CENPW: variants seen among roughly 807,000 people sequenced by gnomAD.
CENPW encodes the protein centromere protein W, also known as cancer-up-regulated gene 2 protein.
A neutral mutation model predicts 11.1 loss-of-function variants in CENPW; 3 were observed. That is an observed-to-expected ratio of 0.27 (90% CI 0.12 to 0.70). The LOEUF (loss-of-function observed/expected upper bound fraction) is 0.70. Ranked by LOEUF, CENPW falls within the 30% of genes least tolerant of loss-of-function variation. CENPW has a pLI of 0.77. For synonymous variants in CENPW, 38 were observed against 42.0 expected (o/e 0.91, Z 0.37); for missense variants, 100 against 105.6 (o/e 0.95, Z 0.23).
chr6:126,418,553 C>T, the CENPW span, among the ~76,000 whole-genome samples: 1 of 152,026 alleles, frequency 6.6e-6, no homozygotes, highest in Admixed American at 6.6e-5. Context: ...CTTTATGATA[C>T]TTATGGTGGA....
the CENPW span, among the ~76,000 whole-genome samples, chr6:126,448,899 A>G: frequency 4.6e-5 from 7 of 151,124 alleles, no homozygotes; most frequent in African/African-American, 1.7e-4. Context: ...ATATTCTTTC[A>G]TTATTCATTC....
At chr6:126,427,418 T>G in the CENPW span, among the ~76,000 whole-genome samples, 1 of 152,192 alleles carries the variant, frequency 6.6e-6, no homozygotes, top group Non-Finnish European at 1.5e-5. Context: ...TTGAGCACCG[T>G]GTGAATTTTA....
chr6:126,429,695 C>G, the CENPW span, among the ~76,000 whole-genome samples: 1 of 152,072 alleles, frequency 6.6e-6, no homozygotes, highest in African/African-American at 2.4e-5. Context: ...GCAAGAATGG[C>G]CTAATACAAT....
the CENPW span, among the ~76,000 whole-genome samples, chr6:126,389,702 AG>A: frequency 4.6e-5 from 7 of 151,752 alleles, no homozygotes; most frequent in African/African-American, 1.7e-4. Context: ...GTAGAAAACC[AG>A]GAATTATGTA....
the CENPW span, among the ~76,000 whole-genome samples, chr6:126,357,788 T>C: frequency 6.6e-6 from 1 of 152,066 alleles, no homozygotes; most frequent in East Asian, 1.9e-4. Flanking sequence ...TTAGTATTTT[T>C]AGTAGAGACG....
the CENPW span, among the ~76,000 whole-genome samples, chr6:126,460,146 G>A: frequency 6.6e-6 from 1 of 151,678 alleles, no homozygotes; most frequent in South Asian, 2.1e-4. Flanking sequence ...TATCTTGAAA[G>A]TCTCTAAGCC....
At chr6:126,411,044 C>T in the CENPW span, among the ~76,000 whole-genome samples, 10 of 151,988 alleles carry the variant, frequency 6.6e-5, no homozygotes, top group African/African-American at 2.4e-4. Context: ...TGTCATAGAT[C>T]CTTGGTTTTT....
At chr6:126,342,881 T>G (rs896502660) in intron 1 of CENPW, among the ~76,000 whole-genome samples, 1 of 152,212 alleles carries the variant, frequency 6.6e-6, no homozygotes, top group Non-Finnish European at 1.5e-5. Context: ...AGCATTTTAT[T>G]TATAATTTCT....
At chr6:126,429,103 G>GT in the CENPW span, among the ~76,000 whole-genome samples, 23 of 151,622 alleles carry the variant, frequency 1.5e-4, no homozygotes, top group African/African-American at 4.3e-4. Context: ...ATTTTCCCAA[G>GT]TTTTTTTTAC....
At chr6:126,403,747 T>C in the CENPW span, among the ~76,000 whole-genome samples, 2 of 151,976 alleles carry the variant, frequency 1.3e-5, no homozygotes, top group East Asian at 3.9e-4. Flanking sequence ...GATGAAACAG[T>C]AAGTGCTGAC....
the CENPW span, among the ~76,000 whole-genome samples, chr6:126,430,742 G>A: frequency 2.0e-5 from 3 of 152,058 alleles, no homozygotes; most frequent in African/African-American, 7.2e-5. Context: ...ACGAGGTCAG[G>A]AGATCAAGAC....
the CENPW span, among the ~76,000 whole-genome samples, chr6:126,387,732 A>G: frequency 6.6e-6 from 1 of 152,008 alleles, no homozygotes; most frequent in Non-Finnish European, 1.5e-5. Flanking sequence ...AATTAGTAAC[A>G]GGTACACTTG....
At chr6:126,380,972 C>A in the CENPW span, among the ~76,000 whole-genome samples, 1 of 152,110 alleles carries the variant, frequency 6.6e-6, no homozygotes. Context: ...AGCAAAGAAC[C>A]CTGCTAAGAC....
the CENPW span, among the ~76,000 whole-genome samples, chr6:126,407,342 C>T: frequency 6.6e-6 from 1 of 152,112 alleles, no homozygotes; most frequent in African/African-American, 2.4e-5. Context: ...TTTCGATGGG[C>T]ATTTGGATTG....
chr6:126,367,084 G>A, the CENPW span, among the ~76,000 whole-genome samples: 1 of 151,928 alleles, frequency 6.6e-6, no homozygotes, highest in Non-Finnish European at 1.5e-5. Context: ...CCATACCAGA[G>A]TATTTTACTA....
chr6:126,381,651 G>T, the CENPW span, among the ~76,000 whole-genome samples: 1 of 152,080 alleles, frequency 6.6e-6, no homozygotes, highest in Non-Finnish European at 1.5e-5. Context: ...CAACCAACAT[G>T]CACCTTGCCG....
the CENPW span, among the ~76,000 whole-genome samples, chr6:126,393,626 T>G: frequency 6.6e-6 from 1 of 151,532 alleles, no homozygotes; most frequent in Non-Finnish European, 1.5e-5. Flanking sequence ...TTTATTCCAT[T>G]GTGGACAGAG....
the CENPW span, among the ~76,000 whole-genome samples, chr6:126,468,146 G>A: frequency 6.6e-6 from 1 of 152,114 alleles, no homozygotes; most frequent in Non-Finnish European, 1.5e-5. Context: ...TGGGCCCGGT[G>A]CTCTGGCTCA....
the CENPW span, among the ~76,000 whole-genome samples, chr6:126,411,888 C>T: frequency 6.6e-6 from 1 of 150,466 alleles, no homozygotes; most frequent in South Asian, 2.1e-4. Context: ...TCCGTCCTTC[C>T]TACCTTCCTT....
Sources: gnomAD v4.1 joint callset for allele counts (sites outside exome capture counted in the v4.1 genomes callset) on GRCh38, gnomAD v4.1.1 for gene constraint, MANE v1.5 for transcripts, NCBI Gene and HGNC (gene_info 2026-07-23, HGNC 2026-07-21) for gene names.